The following ZDHHC18 variants were observed in gnomAD, a reference collection of about 807,000 sequenced individuals.
ZDHHC18 encodes zDHHC palmitoyltransferase 18.
In ZDHHC18, 23 loss-of-function variants were observed where a neutral mutation model predicts 37.5. That is an observed-to-expected ratio of 0.61 (90% CI 0.44 to 0.87). ZDHHC18 has a LOEUF of 0.87. Among genes scored for constraint, ZDHHC18 ranks in the 40% least tolerant of loss-of-function variants. The pLI, the probability that ZDHHC18 is intolerant of heterozygous loss-of-function variation, is 0.00. For synonymous variants in ZDHHC18, 185 were observed against 218.7 expected (o/e 0.85, Z 1.36); for missense variants, 406 against 525.6 (o/e 0.77, Z 2.22).
intron 6 of ZDHHC18, 138 bp downstream of exon 6, chr1:26,851,369 C>T: frequency 2.6e-6 from 2 of 768,634 alleles, no homozygotes; most frequent in Non-Finnish European, 4.4e-6. Context: ...CCAGATGCCT[C>T]CCAGTCATCT....
chr1:26,856,014 C>T lies in ZDHHC18; in HGVS notation c.*2171C>T. 3.0e-6 allele frequency: 1 copy of T among 333,068 alleles called. No individual in the cohort carries two copies. The highest frequency in any genetic ancestry group is 6.4e-6 in the Non-Finnish European group (1 of 155,738). The allele number at this position is 333,068 out of a possible 1,614,324, so 20.6% of individuals were successfully genotyped here. ...CTTGGAGACCCCCAAATTCTTCTTCCCTACTGCCTTTCCACTCCGATCCCC... is the reference window on the plus strand; with the variant it reads ...CTTGGAGACCCCCAAATTCTTCTTCTCTACTGCCTTTCCACTCCGATCCCC... On this transcript the variant is annotated 3_prime_UTR_variant, in exon 8 of 8. Coordinates refer to ENST00000374142, the MANE Select transcript of ZDHHC18 (RefSeq NM_032283.3). This position sits in a 1 kb window ranked among gnomAD's most constrained non-coding sequence, Gnocchi z 5.2.
intron 6 of ZDHHC18, among the ~76,000 whole-genome samples, chr1:26,852,548 T>C (rs2081710562): frequency 6.6e-6 from 1 of 152,238 alleles, no homozygotes; most frequent in Non-Finnish European, 1.5e-5. Context: ...TCTTGGGCTC[T>C]GCTCTGTCAT....
At chr1:26,832,001 G>T (rs1417067898) in intron 1 of ZDHHC18, 1 of 155,340 alleles carries the variant, frequency 6.4e-6, no homozygotes. Context: ...CTTATCCGTC[G>T]TCATTATTCC....
At position 26,846,288 on chromosome 1, in the gene ZDHHC18, GTGTATA is replaced by G. The variant is rs1176911783; in HGVS notation, c.497-2318_497-2313del. Among the ~76,000 whole-genome samples, 25 of 53,148 alleles carry G rather than the reference GTGTATA, an allele frequency of 4.7e-4. 1 individual carries two copies. Among genetic ancestry groups the G allele is most frequent in the African/African-American group, 2.2e-3 (22 of 10,104 alleles). The allele number at this position is 53,148 out of a possible 152,430, so 34.9% of individuals were successfully genotyped here. Reference sequence around the variant, plus strand: ...TAGAGATATATGTGTGTGTGTGTGTGTGTATATATATATATATATATATTTTTTTTT... The same window carrying G: ...TAGAGATATATGTGTGTGTGTGTGTGTATATATATATATATATTTTTTTTT... On this transcript the variant is annotated intron_variant, in intron 2 of 7. Transcript: ENST00000374142.
rs2081730436 is a variant in ZDHHC18 at position 26,855,700 on chromosome 1, A to C, written c.*1857A>C. On this transcript the variant is annotated 3_prime_UTR_variant, in exon 8 of 8. Coordinates refer to ENST00000374142, the MANE Select transcript of ZDHHC18 (RefSeq NM_032283.3). ...GTATTCTTTGTTCCTGCTTGTAATA[A>C]AACTTCAGTTTATAAGAGTTGCTTT... is the stretch of plus-strand genomic sequence containing the variant. 6.5e-6 allele frequency: 1 copy of C among 153,424 alleles called. No homozygotes were observed. The highest frequency in any genetic ancestry group is 1.5e-5 in the Non-Finnish European group (1 of 68,590). The allele number at this position is 153,424 out of a possible 1,614,324, so 9.5% of individuals were successfully genotyped here.
At chr1:26,848,540 C>T in intron 2 of ZDHHC18, 68 bp from the exon 3 acceptor site, 1 of 1,570,454 alleles carries the variant, frequency 6.4e-7, no homozygotes, top group South Asian at 1.2e-5. Context: ...CAGTAGCTTT[C>T]CCCTGCTGGG....
At chr1:26,834,900 C>G (rs1041769451) in intron 2 of ZDHHC18, among the ~76,000 whole-genome samples, 1 of 152,222 alleles carries the variant, frequency 6.6e-6, no homozygotes, top group Non-Finnish European at 1.5e-5. Context: ...GGAGCTTACT[C>G]TCATGGGTTC....
intron 2 of ZDHHC18, among the ~76,000 whole-genome samples, chr1:26,837,447 ATATATTATG>A (rs1024234700): frequency 1.4e-5 from 2 of 145,684 alleles, no homozygotes; most frequent in African/African-American, 5.1e-5. Context: ...AACATATTTA[ATATATTATG>A]TATATTATTT....
chr1:26,838,880 G>A (rs1002311213), intron 2 of ZDHHC18, among the ~76,000 whole-genome samples: 3 of 152,260 alleles, frequency 2.0e-5, no homozygotes, highest in African/African-American at 4.8e-5. Flanking sequence ...GGACAGAAGT[G>A]GTCTGGGAGG....
intron 2 of ZDHHC18, among the ~76,000 whole-genome samples, chr1:26,843,303 C>T (rs928417895): frequency 2.6e-5 from 4 of 151,130 alleles, no homozygotes; most frequent in Admixed American, 6.6e-5. Context: ...CCACCACACC[C>T]GGCTAACTTT....
At chr1:26,846,215 C>T (rs1247746051) in intron 2 of ZDHHC18, among the ~76,000 whole-genome samples, 14 of 57,040 alleles carry the variant, frequency 2.5e-4, no homozygotes, top group African/African-American at 1.1e-3. Flanking sequence ...CACGTATATA[C>T]ATATATATGT....
At chr1:26,847,625 TTA>T (rs2081677370) in intron 2 of ZDHHC18, among the ~76,000 whole-genome samples, 1 of 152,202 alleles carries the variant, frequency 6.6e-6, no homozygotes, top group African/African-American at 2.4e-5. Flanking sequence ...TTGCATTTGT[TTA>T]TGTCTCTTAA....
chr1:26,843,137 C>CTTTTTTTTTTTT (rs1336807710), intron 2 of ZDHHC18, among the ~76,000 whole-genome samples: 1 of 141,980 alleles, frequency 7.0e-6, no homozygotes. Flanking sequence ...TTCTTTCTTT[C>CTTTTTTTTTTTT]TTTTTTTTTT....
chr1:26,837,092 A>G (rs958177946), intron 2 of ZDHHC18, among the ~76,000 whole-genome samples: 1 of 147,824 alleles, frequency 6.8e-6, no homozygotes, highest in African/African-American at 2.5e-5. Context: ...ACTAAAAAAA[A>G]TACAAAAAAA....
At position 26,838,424 on chromosome 1, in the gene ZDHHC18, C is replaced by T. The variant is rs572247235; in HGVS notation, c.496+5817C>T. ...TCCCAAAGTGTTGGGATTACAGTCACGAGCCACTGCACTCGGCCTGTTGCT... is the reference window on the plus strand; with the variant it reads ...TCCCAAAGTGTTGGGATTACAGTCATGAGCCACTGCACTCGGCCTGTTGCT... On this transcript the variant is annotated intron_variant, in intron 2 of 7. Coordinates refer to ENST00000374142, the MANE Select transcript of ZDHHC18 (RefSeq NM_032283.3). 3.3e-4 allele frequency among the ~76,000 whole-genome samples: 50 copies of T among 152,284 alleles called. No individual in the cohort carries two copies. The South Asian group carries it at 7.2e-3, about 22-fold the overall frequency.
At position 26,854,962 on chromosome 1, in the gene ZDHHC18, CA is replaced by C. The variant is rs1212633770; in HGVS notation, c.*1120del. On this transcript the variant is annotated 3_prime_UTR_variant, in exon 8 of 8. Transcript: ENST00000374142. This position sits in a 1 kb window ranked among gnomAD's most constrained non-coding sequence, Gnocchi z 4.6. The stretch of plus-strand genomic sequence containing the variant: ...TCAGAAGCACTCTGAGCCAAGGGGA[CA>C]GGGGGCACGTGCACTGGTCACGAGA... 1.3e-5 allele frequency: 2 copies of C among 152,294 alleles called. No individual in the cohort carries two copies. Among genetic ancestry groups the C allele is most frequent in the African/African-American group, 4.8e-5 (2 of 41,454 alleles). The allele number at this position is 152,294 out of a possible 1,614,324, so 9.4% of individuals were successfully genotyped here.
intron 2 of ZDHHC18, among the ~76,000 whole-genome samples, chr1:26,845,751 A>T (rs528676765): frequency 6.6e-6 from 1 of 152,104 alleles, no homozygotes; most frequent in South Asian, 2.1e-4. Flanking sequence ...CTCTTTTATG[A>T]TTAGCCCCTT....
intron 2 of ZDHHC18, among the ~76,000 whole-genome samples, chr1:26,838,238 G>T (rs942426152): frequency 1.3e-5 from 2 of 151,352 alleles, no homozygotes; most frequent in Non-Finnish European, 1.5e-5. Context: ...CCGGTGATCC[G>T]CCCGCCTCAG....
chr1:26,827,497 G>A (rs1381595430), intron 1 of ZDHHC18, among the ~76,000 whole-genome samples: 2 of 150,788 alleles, frequency 1.3e-5, no homozygotes, highest in Non-Finnish European at 3.0e-5. Flanking sequence ...CTCAGAACCT[G>A]CCCCAGGGCT....
Sources: allele counts gnomAD v4.1 joint callset (sites outside exome capture counted in the v4.1 genomes callset), GRCh38; gene constraint gnomAD v4.1.1; non-coding constraint Gnocchi (gnomAD v3.1); transcripts MANE v1.5; gene names NCBI Gene and HGNC (gene_info 2026-07-23, HGNC 2026-07-21).